THSD7A: variants seen among roughly 807,000 people sequenced by gnomAD.
THSD7A encodes thrombospondin type-1 domain-containing protein 7A.
THSD7A carries 96 observed loss-of-function variants against 231.3 expected under a neutral mutation model. The observed-to-expected ratio is 0.41, with a 90% CI of 0.35 to 0.49. The LOEUF is 0.49. THSD7A is among the 20% of genes least tolerant of loss of function. The pLI, the probability that THSD7A is intolerant of heterozygous loss-of-function variation, is 0.05. For missense variants in THSD7A, 2,290 were observed against 2,070.2 expected (o/e 1.11, Z -2.06); for synonymous variants, 940 against 743.3 (o/e 1.26, Z -4.30).
chr7:11,799,030 C>T (rs1295995091), intron 1 of THSD7A, among the ~76,000 whole-genome samples: 4 of 151,996 alleles, frequency 2.6e-5, no homozygotes, highest in African/African-American at 9.7e-5. Flanking sequence ...TCAAGTGATT[C>T]TCCCGCTTCA....
In THSD7A at chr7:11,472,584, A is replaced by C. The variant is rs141042947; in HGVS notation, c.2252+1750T>G. On this transcript the variant is annotated intron_variant, in intron 8 of 27. Coordinates refer to ENST00000423059, the MANE Select transcript of THSD7A (RefSeq NM_015204.3). Reference sequence around the variant, plus strand: ...TAGATGCACATAAGTCATTGAATGAAGGCTGCAAGGGTGAAGCAAATTTTT... The same window carrying C: ...TAGATGCACATAAGTCATTGAATGACGGCTGCAAGGGTGAAGCAAATTTTT... Among the ~76,000 whole-genome samples, 1,502 of 152,306 alleles carry C rather than the reference A, an allele frequency of 9.9e-3. 22 individuals carry two copies. The highest frequency in any genetic ancestry group is 0.035 in the African/African-American group (1,453 of 41,566).
At chr7:11,432,131 T>A (rs1161159123) in intron 13 of THSD7A, among the ~76,000 whole-genome samples, 1 of 152,090 alleles carries the variant, frequency 6.6e-6, no homozygotes, top group African/African-American at 2.4e-5. Context: ...GTTAAAAACA[T>A]AAGCTTCTAC....
chr7:11,695,703 T>C (rs1229492884), intron 1 of THSD7A, among the ~76,000 whole-genome samples: 1 of 151,492 alleles, frequency 6.6e-6, no homozygotes, highest in African/African-American at 2.4e-5. Flanking sequence ...GATAGTAGGT[T>C]AGGACATTGT....
At chr7:11,639,918 A>G (rs1007146715) in intron 1 of THSD7A, among the ~76,000 whole-genome samples, 4 of 152,184 alleles carry the variant, frequency 2.6e-5, no homozygotes, top group African/African-American at 9.6e-5. Context: ...TGGTGAAGAT[A>G]TCAAACTCTT....
intron 4 of THSD7A, among the ~76,000 whole-genome samples, chr7:11,577,896 C>T (rs1022908694): frequency 1.3e-5 from 2 of 151,908 alleles, no homozygotes; most frequent in African/African-American, 4.8e-5. Context: ...TTCTGAATCA[C>T]AAAGGAAAGG....
In THSD7A at chr7:11,401,832, C is replaced by T. The variant is rs1209326416; in HGVS notation, c.4374G>A (p.Leu1458=). The change falls in exon 23 of 28, where the codon CTG becomes CTA. Residue 1458 remains leucine (L), a synonymous_variant. Coordinates refer to ENST00000423059, the MANE Select transcript of THSD7A (RefSeq NM_015204.3). ...TTGTTTCTAACATCTGCTCTGGGCA[C>T]AGATGCTGATTCTCTAGTTCTTGTA... ...VIIQELENQH[L]CPEQMLETKS... The T allele has an allele frequency of 6.2e-7, 1 of 1,613,822 alleles. No individual in the cohort carries two copies. Among genetic ancestry groups the T allele is most frequent in the Non-Finnish European group, 8.5e-7 (1 of 1,179,844 alleles).
At chr7:11,477,906 A>C (rs1036846562) in intron 7 of THSD7A, among the ~76,000 whole-genome samples, 4 of 152,206 alleles carry the variant, frequency 2.6e-5, no homozygotes, top group African/African-American at 9.7e-5. Context: ...GTACATATTT[A>C]TATTTGCACA....
intron 8 of THSD7A, among the ~76,000 whole-genome samples, chr7:11,473,809 G>C (rs1228451988): frequency 1.3e-5 from 2 of 152,016 alleles, no homozygotes; most frequent in Non-Finnish European, 2.9e-5. Context: ...CTATCCCAAG[G>C]CTCTCTCTTG....
In THSD7A at chr7:11,632,896, G is replaced by A. The variant is rs908584028; in HGVS notation, c.1022+3234C>T. ...TTGTGTTTTCTGTTTTAATTTTTCT[G>A]GTTCTATCTTCAGGAACATCAGCGT... On this transcript the variant is annotated intron_variant, in intron 2 of 27. Transcript: ENST00000423059. This position sits in a 1 kb window ranked among gnomAD's most constrained non-coding sequence, Gnocchi z 4.1. 6.6e-6 allele frequency among the ~76,000 whole-genome samples: 1 copy of A among 152,038 alleles called. No individual in the cohort carries two copies. The highest frequency in any genetic ancestry group is 1.5e-5 in the Non-Finnish European group (1 of 67,992).
chr7:11,510,996 C>A, intron 6 of THSD7A, among the ~76,000 whole-genome samples: 1 of 152,112 alleles, frequency 6.6e-6, no homozygotes, highest in Non-Finnish European at 1.5e-5. Context: ...GTCAATTGTC[C>A]CTGTTTGCAG....
intron 2 of THSD7A, among the ~76,000 whole-genome samples, chr7:11,607,763 G>A (rs1347758957): frequency 6.6e-6 from 1 of 152,090 alleles, no homozygotes; most frequent in Admixed American, 6.6e-5. Context: ...ATGCACTCAT[G>A]TTAAAGCCAT....
chr7:11,768,871 C>T (rs1452575717), intron 1 of THSD7A, among the ~76,000 whole-genome samples: 1 of 151,704 alleles, frequency 6.6e-6, no homozygotes, highest in African/African-American at 2.4e-5. Context: ...TAATCAACCT[C>T]AGCATCCCAA....
At chr7:11,508,071 C>T (rs1005354855) in intron 6 of THSD7A, among the ~76,000 whole-genome samples, 21 of 151,978 alleles carry the variant, frequency 1.4e-4, no homozygotes, top group African/African-American at 3.9e-4. Flanking sequence ...TTTATAAAAC[C>T]ATCAGATCTT....
intron 6 of THSD7A, among the ~76,000 whole-genome samples, chr7:11,502,657 C>T (rs1162977903): frequency 3.9e-5 from 6 of 152,098 alleles, no homozygotes; most frequent in African/African-American, 1.4e-4. Context: ...TTCCTATACA[C>T]CATCAACAAC....
intron 16 of THSD7A, among the ~76,000 whole-genome samples, chr7:11,420,868 G>A (rs1217448243): frequency 1.1e-4 from 16 of 152,162 alleles, no homozygotes; most frequent in Admixed American, 9.2e-4. Context: ...AGAGTCAAAG[G>A]AGATTATTTT....
intron 23 of THSD7A, among the ~76,000 whole-genome samples, chr7:11,388,436 G>A (rs913094252): frequency 2.0e-5 from 3 of 152,092 alleles, no homozygotes; most frequent in Non-Finnish European, 4.4e-5. Context: ...TATGTGTCCA[G>A]GAATTTATCC....
intron 1 of THSD7A, among the ~76,000 whole-genome samples, chr7:11,666,677 G>T (rs893914464): frequency 6.6e-6 from 1 of 150,616 alleles, no homozygotes; most frequent in Admixed American, 6.6e-5. Context: ...TGATGAAACT[G>T]TTTTTTGATT....
At chr7:11,658,225 G>C (rs541982892) in intron 1 of THSD7A, among the ~76,000 whole-genome samples, 2 of 151,808 alleles carry the variant, frequency 1.3e-5, no homozygotes, top group African/African-American at 4.8e-5. Context: ...TTCTTTTTAA[G>C]AGAGAGTCAC....
At chr7:11,791,819 T>A (rs1783959929) in intron 1 of THSD7A, among the ~76,000 whole-genome samples, 1 of 151,856 alleles carries the variant, frequency 6.6e-6, no homozygotes, top group Admixed American at 6.6e-5. Flanking sequence ...GTTGCTCCAT[T>A]TCCTTTCTTT....
Sources: allele counts gnomAD v4.1 joint callset (sites outside exome capture counted in the v4.1 genomes callset), GRCh38; gene constraint gnomAD v4.1.1; non-coding constraint Gnocchi (gnomAD v3.1); transcripts MANE v1.5; gene names NCBI Gene and HGNC (gene_info 2026-07-23, HGNC 2026-07-21).